Variants in SGCD observed in about 807,000 individuals in gnomAD.
The protein encoded by SGCD is sarcoglycan delta, also known as delta-sarcoglycan.
A neutral mutation model predicts 36.6 loss-of-function variants in SGCD; 18 were observed. The observed-to-expected ratio is 0.49, with a 90% confidence interval of 0.34 to 0.73. SGCD has a LOEUF of 0.73. SGCD is among the 30% of genes least tolerant of loss of function. SGCD has a pLI of 0.01. For missense variants in SGCD, 387 were observed against 346.7 expected (o/e 1.12, Z -0.92); for synonymous variants, 133 against 130.6 (o/e 1.02, Z -0.12).
chr5:156,139,379 G>A (rs537095815), intron 3 of SGCD, among the ~76,000 whole-genome samples: 3 of 152,150 alleles, frequency 2.0e-5, no homozygotes, highest in Non-Finnish European at 2.9e-5. Context: ...AATTCAATAT[G>A]TCAGCTTATA....
At chr5:156,603,883 A>G (rs1260165771) in intron 6 of SGCD, among the ~76,000 whole-genome samples, 6 of 152,002 alleles carry the variant, frequency 3.9e-5, no homozygotes, top group Admixed American at 3.3e-4. Context: ...TCTTAAATGG[A>G]ATGTTCTGTA....
intron 1 of SGCD, among the ~76,000 whole-genome samples, chr5:156,106,834 T>A (rs1761659962): frequency 6.6e-6 from 1 of 152,202 alleles, no homozygotes; most frequent in South Asian, 2.1e-4. Flanking sequence ...TGGCAACACT[T>A]TGACATTTAT....
chr5:156,661,478 T>C (rs1214731348), intron 7 of SGCD, among the ~76,000 whole-genome samples: 99 of 124,876 alleles, frequency 7.9e-4, no homozygotes, highest in African/African-American at 2.1e-3. Context: ...TATTGATAGG[T>C]TGGTCAAAAT....
Position 156,341,797 on chromosome 5 carries a change from G to A in SGCD, c.4-2692G>A, listed in dbSNP as rs546585039. ...GCAATCTTGGCTCACTGCAACCTCC[G>A]CCTCCCGGGTTCAAGCAATTCTCCC... On this transcript the variant is annotated intron_variant, in intron 2 of 8. Transcript: ENST00000337851. 1.3e-4 allele frequency among the ~76,000 whole-genome samples: 20 copies of A among 152,232 alleles called. No homozygotes were observed. The South Asian group carries it at 2.3e-3, about 17-fold the overall frequency.
chr5:155,744,753 A>G, the SGCD span, among the ~76,000 whole-genome samples: 1 of 152,214 alleles, frequency 6.6e-6, no homozygotes, highest in Admixed American at 6.5e-5. Context: ...AGAGACAGAA[A>G]GGATAAACTG....
At chr5:155,776,528 G>A in the SGCD span, among the ~76,000 whole-genome samples, 1 of 152,054 alleles carries the variant, frequency 6.6e-6, no homozygotes, top group South Asian at 2.1e-4. Flanking sequence ...TCCTTAGGAT[G>A]GAAGAAACCA....
chr5:156,353,583 A>G (rs1326056860), intron 3 of SGCD, among the ~76,000 whole-genome samples: 2 of 152,164 alleles, frequency 1.3e-5, no homozygotes, highest in Non-Finnish European at 2.9e-5. Flanking sequence ...TAACACTGTT[A>G]ATATATTGTG....
At chr5:155,967,183 A>T (rs1757919876) in intron 1 of SGCD, among the ~76,000 whole-genome samples, 1 of 151,998 alleles carries the variant, frequency 6.6e-6, no homozygotes, top group Non-Finnish European at 1.5e-5. Context: ...AACCTAGTAG[A>T]TGTTGAGCTG....
At chr5:156,696,971 T>A (rs1469419639) in intron 7 of SGCD, among the ~76,000 whole-genome samples, 1 of 147,736 alleles carries the variant, frequency 6.8e-6, no homozygotes, top group South Asian at 2.2e-4. Context: ...CACTTCACCA[T>A]AGAAAGACAT....
At chr5:156,447,642 G>A (rs916096818) in intron 3 of SGCD, among the ~76,000 whole-genome samples, 1 of 152,108 alleles carries the variant, frequency 6.6e-6, no homozygotes, top group Non-Finnish European at 1.5e-5. Flanking sequence ...ACACACACTG[G>A]GGACTGTTGG....
At chr5:156,553,806 C>T (rs1758891486) in intron 4 of SGCD, among the ~76,000 whole-genome samples, 1 of 152,156 alleles carries the variant, frequency 6.6e-6, no homozygotes, top group African/African-American at 2.4e-5. Flanking sequence ...CTTTTTATGG[C>T]TGAATTACTA....
At chr5:156,422,647 G>A (rs1345133831) in intron 3 of SGCD, among the ~76,000 whole-genome samples, 3 of 151,908 alleles carry the variant, frequency 2.0e-5, no homozygotes, top group Admixed American at 6.6e-5. Context: ...TATAAAGCAG[G>A]GTTTCTCAAC....
intron 4 of SGCD, among the ~76,000 whole-genome samples, chr5:156,566,953 GCTT>G (rs997268448): frequency 1.3e-5 from 2 of 152,032 alleles, no homozygotes; most frequent in Non-Finnish European, 2.9e-5. Flanking sequence ...GGGGAACATA[GCTT>G]CTTCTTCTCA....
At chr5:156,260,848 C>A (rs923563468) in intron 3 of SGCD, among the ~76,000 whole-genome samples, 2 of 152,048 alleles carry the variant, frequency 1.3e-5, no homozygotes, top group African/African-American at 2.4e-5. Flanking sequence ...AGAGGAAATT[C>A]TTTCTATTTC....
intron 1 of SGCD, among the ~76,000 whole-genome samples, chr5:155,980,702 C>T (rs1031574699): frequency 1.5e-5 from 2 of 137,118 alleles, no homozygotes; most frequent in Admixed American, 7.6e-5. Context: ...CACAGGTGAA[C>T]TTTGTTTTGG....
At chr5:155,877,969 CAGTTAA>C (rs1459287234) in intron 1 of SGCD, among the ~76,000 whole-genome samples, 3 of 151,978 alleles carry the variant, frequency 2.0e-5, no homozygotes, top group Non-Finnish European at 4.4e-5. Flanking sequence ...TTTTGTTTAG[CAGTTAA>C]AGTAAAATTG....
the SGCD span, among the ~76,000 whole-genome samples, chr5:155,845,280 A>G: frequency 6.6e-6 from 1 of 152,164 alleles, no homozygotes; most frequent in African/African-American, 2.4e-5. Context: ...TAACCTAGAA[A>G]TTCCAGGTAC....
chr5:156,471,141 C>G (rs1429226679), intron 3 of SGCD, among the ~76,000 whole-genome samples: 1 of 152,162 alleles, frequency 6.6e-6, no homozygotes, highest in Non-Finnish European at 1.5e-5. Flanking sequence ...AGAGACTATT[C>G]TCTAGGAGAG....
At chr5:156,176,061 C>G (rs1763461626) in intron 3 of SGCD, among the ~76,000 whole-genome samples, 1 of 151,766 alleles carries the variant, frequency 6.6e-6, no homozygotes, top group South Asian at 2.1e-4. Context: ...TTGCGATTTT[C>G]AAAGTTTCTC....
Sources: gnomAD v4.1 joint callset for allele counts (sites outside exome capture counted in the v4.1 genomes callset) on GRCh38, gnomAD v4.1.1 for gene constraint, MANE v1.5 for transcripts, NCBI Gene and HGNC (gene_info 2026-07-23, HGNC 2026-07-21) for gene names.